Variants in PIGK observed in about 807,000 individuals in gnomAD.
PIGK encodes GPI-anchor transamidase.
In PIGK, 42 loss-of-function variants were observed where a neutral mutation model predicts 50.6. That is an observed-to-expected ratio of 0.83 (90% CI 0.65 to 1.07). The LOEUF is 1.07. PIGK is among the 50% of genes least tolerant of loss of function. The probability of loss-of-function intolerance (pLI) is 0.00; values close to 1 mark genes in which losing one functional copy is unlikely to be tolerated. For synonymous variants in PIGK, 151 were observed against 156.0 expected (o/e 0.97, Z 0.24); for missense variants, 448 against 488.7 (o/e 0.92, Z 0.78).
In PIGK at chr1:77,203,211, T is replaced by A. The variant is rs1000528459; in HGVS notation, c.239+3429A>T. ...TTTGGGAAACTTTCAGGAGTGATTG[T>A]GGCTCAATGTTTGCTTCACATACTA... On this transcript the variant is annotated intron_variant, in intron 3 of 10. Transcript: ENST00000370812. 2.7e-4 allele frequency among the ~76,000 whole-genome samples: 41 copies of A among 152,210 alleles called. 1 individual carries two copies. Among genetic ancestry groups the A allele is most frequent in the Non-Finnish European group, 1.2e-4 (8 of 68,038 alleles).
intron 9 of PIGK, among the ~76,000 whole-genome samples, chr1:77,148,288 T>C (rs1404719067): frequency 4.6e-5 from 7 of 152,196 alleles, no homozygotes; most frequent in Non-Finnish European, 4.4e-5. Context: ...CCTGAACCAC[T>C]GGGAGCCTGA....
chr1:77,167,218 A>G (rs923723209), intron 4 of PIGK, among the ~76,000 whole-genome samples: 1 of 152,100 alleles, frequency 6.6e-6, no homozygotes, highest in Admixed American at 6.5e-5. Context: ...AGGTATGGTA[A>G]CATGCTCCTG....
intron 10 of PIGK, among the ~76,000 whole-genome samples, chr1:77,113,281 A>G (rs946748901): frequency 6.6e-6 from 1 of 152,136 alleles, no homozygotes; most frequent in Non-Finnish European, 1.5e-5. Context: ...GAAAGGCAGA[A>G]AAGTTAATTA....
At chr1:77,189,956 T>G (rs1337986913) in intron 3 of PIGK, among the ~76,000 whole-genome samples, 1 of 151,924 alleles carries the variant, frequency 6.6e-6, no homozygotes, top group Non-Finnish European at 1.5e-5. Context: ...TTACAGGTTA[T>G]GTGATGGAAG....
chr1:77,192,967 G>C (rs866066959), intron 3 of PIGK, among the ~76,000 whole-genome samples: 42 of 152,046 alleles, frequency 2.8e-4, no homozygotes, highest in African/African-American at 9.9e-4. Context: ...TGATTGGAAG[G>C]CTTAGAGATG....
intron 9 of PIGK, among the ~76,000 whole-genome samples, chr1:77,134,735 C>T (rs1654459802): frequency 6.6e-6 from 1 of 152,112 alleles, no homozygotes; most frequent in South Asian, 2.1e-4. Context: ...ATCTGCCTTT[C>T]CTAATTGTTC....
intron 10 of PIGK, among the ~76,000 whole-genome samples, chr1:77,102,345 G>A (rs539948777): frequency 6.6e-6 from 1 of 152,288 alleles, no homozygotes; most frequent in South Asian, 2.1e-4. Context: ...GATTATGGAT[G>A]AAATTAAATT....
At position 77,206,687 on chromosome 1, in the gene PIGK, AT is replaced by A; in HGVS notation, c.191del (p.Asn64IlefsTer12). ...RFWFNYRHVA[N>X]TLSVYRSVKR... ...TGACACTTCTATAAACAGAAAGGGT[AT>A]TTGCAACATGTCGATAATTAAACCA... On this transcript the variant is annotated frameshift_variant, in exon 3 of 11. Coordinates refer to ENST00000370812, the MANE Select transcript of PIGK (RefSeq NM_005482.3). LOFTEE classifies it high-confidence loss of function. 1 of 1,612,068 alleles carries A rather than the reference AT, an allele frequency of 6.2e-7. No individual in the cohort carries two copies. Among genetic ancestry groups the A allele is most frequent in the Non-Finnish European group, 8.5e-7 (1 of 1,178,282 alleles).
chr1:77,156,256 A>G (rs2100552469), intron 8 of PIGK, among the ~76,000 whole-genome samples: 1 of 152,300 alleles, frequency 6.6e-6, no homozygotes, highest in Middle Eastern at 3.4e-3. Flanking sequence ...GCAGAAGAAA[A>G]CATTTAAGAG....
chr1:77,165,290 T>C (rs1287762549), intron 5 of PIGK, among the ~76,000 whole-genome samples: 1 of 152,144 alleles, frequency 6.6e-6, no homozygotes, highest in Non-Finnish European at 1.5e-5. Flanking sequence ...CTTCATCTTG[T>C]TTGCCATAAA....
chr1:77,147,041 C>G (rs940652447), intron 9 of PIGK, among the ~76,000 whole-genome samples: 1 of 150,700 alleles, frequency 6.6e-6, no homozygotes, highest in African/African-American at 2.4e-5. Flanking sequence ...AAGACACACT[C>G]GAGACTGGGA....
chr1:77,108,265 G>A (rs1325889842), intron 10 of PIGK, among the ~76,000 whole-genome samples: 1 of 152,238 alleles, frequency 6.6e-6, no homozygotes, highest in African/African-American at 2.4e-5. Flanking sequence ...TCCTTCAGGA[G>A]CTCTTGAAAG....
chr1:77,148,651 GGTTT>G (rs889010920), intron 9 of PIGK, among the ~76,000 whole-genome samples: 2 of 151,782 alleles, frequency 1.3e-5, no homozygotes, highest in Non-Finnish European at 2.9e-5. Context: ...CACAGGTTTT[GGTTT>G]GTTTGTTTGC....
rs368564293 is a variant in PIGK, at chr1:77,105,219, C to T, written c.1072-12729G>A. Among the ~76,000 whole-genome samples the T allele has an allele frequency of 2.4e-4, 37 of 152,174 alleles. No individual in the cohort carries two copies. The East Asian group carries it at 6.0e-3, about 25-fold the overall frequency. ...TCTTCTTAAGTTCAGCCGTCTCCCT[C>T]GAAGTCCAGCCATCTCCCTCCCTAC... On this transcript the variant is annotated intron_variant, in intron 10 of 10. Coordinates refer to ENST00000370812, the MANE Select transcript of PIGK (RefSeq NM_005482.3).
At chr1:77,181,922 C>A (rs1001515139) in intron 3 of PIGK, among the ~76,000 whole-genome samples, 1 of 152,180 alleles carries the variant, frequency 6.6e-6, no homozygotes, top group African/African-American at 2.4e-5. Flanking sequence ...CTGTGAAATT[C>A]ATCGTAATAA....
At chr1:77,193,036 C>T (rs959536282) in intron 3 of PIGK, among the ~76,000 whole-genome samples, 1 of 152,092 alleles carries the variant, frequency 6.6e-6, no homozygotes, top group African/African-American at 2.4e-5. Context: ...ATCAGAGCAC[C>T]TTTTACTGAA....
At chr1:77,210,034 G>T (rs1656380871) in intron 2 of PIGK, among the ~76,000 whole-genome samples, 1 of 151,776 alleles carries the variant, frequency 6.6e-6, no homozygotes, top group Non-Finnish European at 1.5e-5. Flanking sequence ...TTCTACAGTG[G>T]TCATTTATTA....
At chr1:77,137,690 G>A (rs1402770685) in intron 9 of PIGK, among the ~76,000 whole-genome samples, 23 of 151,942 alleles carry the variant, frequency 1.5e-4, no homozygotes, top group African/African-American at 5.3e-4. Flanking sequence ...TGCAACCTCC[G>A]CCTCCTGGAT....
chr1:77,133,320 T>C (rs987222381), intron 9 of PIGK, among the ~76,000 whole-genome samples: 1 of 152,170 alleles, frequency 6.6e-6, no homozygotes. Flanking sequence ...ACCATATTTT[T>C]CAATATTAGA....
Sources: allele counts gnomAD v4.1 joint callset (sites outside exome capture counted in the v4.1 genomes callset), GRCh38; gene constraint gnomAD v4.1.1; transcripts MANE v1.5; gene names NCBI Gene and HGNC (gene_info 2026-07-23, HGNC 2026-07-21).